PDPR: variants seen among roughly 807,000 people sequenced by gnomAD.
PDPR encodes the protein pyruvate dehydrogenase phosphatase regulatory subunit.
Under a neutral mutation model 102.2 loss-of-function variants are expected in PDPR, and 50 were observed. The ratio of observed to expected loss-of-function variants is 0.49; its 90% CI spans 0.39 to 0.62. PDPR has a LOEUF of 0.62. Ranked by LOEUF, PDPR falls within the 20% of genes least tolerant of loss-of-function variation. PDPR has a pLI of 0.00. For synonymous variants in PDPR, 259 were observed against 406.0 expected (o/e 0.64, Z 4.35); for missense variants, 625 against 1,098.2 (o/e 0.57, Z 6.09).
At chr16:70,143,221 G>T (rs2152106319) in intron 13 of PDPR, among the ~76,000 whole-genome samples, 1 of 152,308 alleles carries the variant, frequency 6.6e-6, no homozygotes, top group Admixed American at 6.5e-5. Flanking sequence ...ACAAAACACT[G>T]ATTTCTTAAG....
chr16:70,145,222 C>T (rs189659559), intron 15 of PDPR, among the ~76,000 whole-genome samples: 5,676 of 150,654 alleles, frequency 0.038, 24 homozygotes, highest in Middle Eastern at 0.078. Flanking sequence ...CATTGCACCT[C>T]CACCTCCCGG....
In PDPR at chr16:70,161,055, C is replaced by T. The variant is rs1967736080; in HGVS notation, c.*4176C>T. The T allele has an allele frequency of 6.6e-6, 1 of 152,632 alleles. No individual in the cohort carries two copies. Among genetic ancestry groups the T allele is most frequent in the South Asian group, 2.1e-4 (1 of 4,838 alleles). The allele number at this position is 152,632 out of a possible 1,614,324, so 9.5% of individuals were successfully genotyped here. A position where few individuals can be genotyped will look rare whatever the true frequency, so the allele number is the denominator to read the frequency against. ...TTCAGGGGTTAGCTACAAGATTCAG[C>T]TTTATATCTCTGTTGCTTCTTGGCC... On this transcript the variant is annotated 3_prime_UTR_variant, in exon 19 of 19. Coordinates refer to ENST00000288050, the MANE Select transcript of PDPR (RefSeq NM_017990.5).
rs1409077125 is a variant in PDPR at position 70,161,130 on chromosome 16, G to A, written c.*4251G>A. ...TAACATCTAAGATAGAGGTTTGGTTGGCCGGGCGTGGTCGCTTACTCCTGT... is the reference window on the plus strand; with the variant it reads ...TAACATCTAAGATAGAGGTTTGGTTAGCCGGGCGTGGTCGCTTACTCCTGT... On this transcript the variant is annotated 3_prime_UTR_variant, in exon 19 of 19. Coordinates refer to ENST00000288050, the MANE Select transcript of PDPR (RefSeq NM_017990.5). 6.6e-6 allele frequency: 1 copy of A among 152,652 alleles called. No individual in the cohort carries two copies. Among genetic ancestry groups the A allele is most frequent in the African/African-American group, 2.4e-5 (1 of 41,464 alleles). The allele number at this position is 152,652 out of a possible 1,614,324, so 9.5% of individuals were successfully genotyped here.
chr16:70,143,455 G>A (rs1965934260), intron 13 of PDPR, 55 bp from the exon 14 acceptor site: 2 of 1,595,900 alleles, frequency 1.3e-6, no homozygotes, highest in South Asian at 1.1e-5. Flanking sequence ...GGGCCATGTG[G>A]CCCAGCCAGG....
At position 70,162,298 on chromosome 16, in the gene PDPR, G is replaced by C. The variant is rs940353656; in HGVS notation, c.*5419G>C. On this transcript the variant is annotated 3_prime_UTR_variant, in exon 19 of 19. Transcript: ENST00000288050. Reference sequence around the variant, plus strand: ...GTTTGTCAATTTGCAGTTCAGCTTAGCCCTTCCCTGTTCCTGTGTAGTTAC... The same window carrying C: ...GTTTGTCAATTTGCAGTTCAGCTTACCCCTTCCCTGTTCCTGTGTAGTTAC... The C allele has an allele frequency of 1.3e-5, 2 of 152,712 alleles. No individual in the cohort carries two copies. The highest frequency in any genetic ancestry group is 2.4e-5 in the African/African-American group (1 of 41,472). 9.5% of individuals were successfully genotyped at this position (152,712 alleles called of 1,614,324 possible). A position where few individuals can be genotyped will look rare whatever the true frequency, so the allele number is the denominator to read the frequency against.
At chr16:70,156,024 G>T (rs1967136590) in intron 18 of PDPR, among the ~76,000 whole-genome samples, 1 of 152,176 alleles carries the variant, frequency 6.6e-6, no homozygotes, top group Admixed American at 6.5e-5. Flanking sequence ...CAAGTAGCTA[G>T]AACTATAGGC....
rs369670365 is a variant in PDPR at position 70,132,270 on chromosome 16, C to G, written c.967C>G (p.Gln323Glu). 2.5e-6 allele frequency: 4 copies of G among 1,613,958 alleles called. No individual in the cohort carries two copies. The highest frequency in any genetic ancestry group is 2.2e-5 in the South Asian group (2 of 91,078). Residue 323 changes from glutamine to glutamate, a missense_variant, in exon 9 of 19, where the codon CAG becomes GAG. Gln to Glu is a conservative substitution (Grantham distance 29). Coordinates refer to ENST00000288050, the MANE Select transcript of PDPR (RefSeq NM_017990.5). ...TGAGGGCAAGAACCAGCTGGAGATTCAGAATCTACAGGAAGACTGGGATCA... is the reference window on the plus strand; with the variant it reads ...TGAGGGCAAGAACCAGCTGGAGATTGAGAATCTACAGGAAGACTGGGATCA... ...FTEGKNQLEI[Q>E]NLQEDWDHFE...
chr16:70,124,478 T>C lies in PDPR; in HGVS notation c.228-2782T>C, dbSNP rs185323111. ...ACTATTGTTCTCATAGATCAATGGG[T>C]CTTAAATCTGTCTGCACATTAGAAT... On this transcript the variant is annotated intron_variant, in intron 3 of 18. Coordinates refer to ENST00000288050, the MANE Select transcript of PDPR (RefSeq NM_017990.5). Among the ~76,000 whole-genome samples, 46 of 152,380 alleles carry C rather than the reference T, an allele frequency of 3.0e-4. No homozygotes were observed. The East Asian group carries it at 7.7e-3, about 26-fold the overall frequency.
At chr16:70,132,865 T>C (rs1023191602) in intron 9 of PDPR, among the ~76,000 whole-genome samples, 4 of 152,376 alleles carry the variant, frequency 2.6e-5, no homozygotes, top group Middle Eastern at 6.8e-3. Context: ...TAGGCTGGAG[T>C]GCAGTGGCAT....
At chr16:70,122,260 T>G (rs1395938158) in intron 3 of PDPR, among the ~76,000 whole-genome samples, 2 of 152,272 alleles carry the variant, frequency 1.3e-5, no homozygotes, top group African/African-American at 4.8e-5. Flanking sequence ...GTACTGGGAT[T>G]ACAGGCGCGA....
intron 17 of PDPR, 23 bp downstream of exon 17, chr16:70,148,576 C>CCTTCCCTTCA (rs763529614): frequency 3.4e-5 from 54 of 1,582,452 alleles, no homozygotes; most frequent in East Asian, 4.5e-5. Flanking sequence ...CCTTCCCTTC[C>CCTTCCCTTCA]CTTCCCTTCA....
At chr16:70,124,496 A>C (rs1424869519) in intron 3 of PDPR, among the ~76,000 whole-genome samples, 1 of 152,292 alleles carries the variant, frequency 6.6e-6, no homozygotes, top group African/African-American at 2.4e-5. Context: ...CTGTCTGCAC[A>C]TTAGAATCAG....
rs552320245 is a variant in PDPR, at chr16:70,119,340, C to A, written c.-32-1121C>A. Among the ~76,000 whole-genome samples the A allele has an allele frequency of 1.4e-4, 22 of 152,168 alleles. 1 individual carries two copies. In the South Asian group the frequency reaches 4.4e-3, roughly 30 times the overall value. ...CTTTGGAAAACATCCCCCAACCCCC[C>A]ACCGCCAAAAAAAACAAAGAAAAGA... On this transcript the variant is annotated intron_variant, in intron 2 of 18. Coordinates refer to ENST00000288050, the MANE Select transcript of PDPR (RefSeq NM_017990.5).
intron 2 of PDPR, among the ~76,000 whole-genome samples, chr16:70,115,418 G>C (rs1169298396): frequency 6.6e-6 from 1 of 152,160 alleles, no homozygotes. Flanking sequence ...CACTGCGCTC[G>C]GCCAACTTGT....
chr16:70,116,318 C>G (rs1398956991), intron 2 of PDPR, among the ~76,000 whole-genome samples: 1 of 134,354 alleles, frequency 7.4e-6, no homozygotes, highest in African/African-American at 2.7e-5. Context: ...CTCAAATAAT[C>G]CACCCACCTT....
intron 18 of PDPR, 44 bp from the exon 19 acceptor site, chr16:70,156,431 G>A: frequency 6.2e-7 from 1 of 1,602,844 alleles, no homozygotes; most frequent in South Asian, 1.1e-5. Context: ...TGTGCCGAGG[G>A]TCTGAGTGTC....
At chr16:70,145,760 GAT>G (rs1966189717) in intron 15 of PDPR, 1 of 466,462 alleles carries the variant, frequency 2.1e-6, no homozygotes. Context: ...TAAGCATTAG[GAT>G]ATGTTTGAAG....
intron 3 of PDPR, among the ~76,000 whole-genome samples, chr16:70,126,659 A>G (rs1964006089): frequency 6.6e-6 from 1 of 152,226 alleles, no homozygotes; most frequent in South Asian, 2.1e-4. Flanking sequence ...CACCGCACTC[A>G]GCCTTTATTT....
intron 9 of PDPR, among the ~76,000 whole-genome samples, chr16:70,134,330 A>G (rs1964871460): frequency 6.6e-6 from 1 of 152,052 alleles, no homozygotes; most frequent in African/African-American, 2.4e-5. Context: ...GATTCAAGCA[A>G]TTCTCCTGCC....
Sources: gnomAD v4.1 joint callset for allele counts (sites outside exome capture counted in the v4.1 genomes callset) on GRCh38, gnomAD v4.1.1 for gene constraint, MANE v1.5 for transcripts, NCBI Gene and HGNC (gene_info 2026-07-23, HGNC 2026-07-21) for gene names.